SOX5: variants seen among roughly 807,000 people sequenced by gnomAD.
The protein encoded by SOX5 is transcription factor SOX-5.
SOX5 carries 9 observed loss-of-function variants against 92.0 expected under a neutral mutation model. The ratio of observed to expected loss-of-function variants is 0.10; its 90% confidence interval spans 0.06 to 0.17. SOX5 has a LOEUF of 0.17. SOX5 is among the 10% of genes least tolerant of loss of function. The probability of loss-of-function intolerance (pLI) is 1.00; values close to 1 mark genes in which losing one functional copy is unlikely to be tolerated. For synonymous variants in SOX5, 344 were observed against 336.3 expected, an observed-to-expected ratio of 1.02 and a Z score of -0.25; for missense variants, 642 against 944.5, an observed-to-expected ratio of 0.68 and a Z score of 4.20.
At chr12:23,976,034 T>A (rs1418327992) in intron 4 of SOX5, among the ~76,000 whole-genome samples, 1 of 152,148 alleles carries the variant, frequency 6.6e-6, no homozygotes, top group Non-Finnish European at 1.5e-5. Context: ...TTATGTATAA[T>A]ATAAATGTAC....
chr12:24,095,210 A>G (rs1454761563), intron 4 of SOX5, among the ~76,000 whole-genome samples: 1 of 150,812 alleles, frequency 6.6e-6, no homozygotes, highest in Non-Finnish European at 1.5e-5. Context: ...TTTCCTAATT[A>G]TTGCAGAAAA....
At chr12:24,318,311 G>A (rs1467541508) in intron 2 of SOX5, among the ~76,000 whole-genome samples, 1 of 152,218 alleles carries the variant, frequency 6.6e-6, no homozygotes, top group Non-Finnish European at 1.5e-5. Context: ...AAAGCAGTGT[G>A]TGTGATTTCT....
intron 4 of SOX5, among the ~76,000 whole-genome samples, chr12:24,015,706 T>C (rs1405959428): frequency 1.3e-5 from 2 of 152,104 alleles, no homozygotes; most frequent in Non-Finnish European, 2.9e-5. Context: ...GCAATAAGCA[T>C]TATTACTGTT....
At chr12:24,285,990 A>G (rs1213969128) in intron 2 of SOX5, among the ~76,000 whole-genome samples, 1 of 152,216 alleles carries the variant, frequency 6.6e-6, no homozygotes, top group Admixed American at 6.5e-5. Flanking sequence ...TCTGTGAGGA[A>G]ATTTTAAAAT....
At chr12:24,346,537 C>G (rs1373241446) in intron 2 of SOX5, among the ~76,000 whole-genome samples, 1 of 151,124 alleles carries the variant, frequency 6.6e-6, no homozygotes. Flanking sequence ...TTGCAACCTC[C>G]GCCTCCCAGA....
chr12:24,053,127 T>A (rs1348683325), intron 4 of SOX5, among the ~76,000 whole-genome samples: 1 of 152,140 alleles, frequency 6.6e-6, no homozygotes, highest in Non-Finnish European at 1.5e-5. Context: ...ATATGTGGTA[T>A]CCTGTAATGT....
chr12:24,081,116 T>C (rs1260422864), intron 4 of SOX5, among the ~76,000 whole-genome samples: 1 of 151,976 alleles, frequency 6.6e-6, no homozygotes, highest in Non-Finnish European at 1.5e-5. Flanking sequence ...CTCTTTATCC[T>C]AAGCTGAGCA....
intron 1 of SOX5, among the ~76,000 whole-genome samples, chr12:23,941,598 G>A (rs567526561): frequency 2.7e-4 from 41 of 151,374 alleles, no homozygotes; most frequent in African/African-American, 9.9e-4. Flanking sequence ...ACCATTCCTA[G>A]GTGTTCTGCC....
intron 4 of SOX5, among the ~76,000 whole-genome samples, chr12:23,998,156 C>A (rs1214741226): frequency 3.3e-5 from 5 of 151,676 alleles, no homozygotes; most frequent in Non-Finnish European, 5.9e-5. Flanking sequence ...ATAGCTATGA[C>A]AATTATGTAC....
chr12:24,483,263 A>G (rs1946186552), intron 1 of SOX5, among the ~76,000 whole-genome samples: 1 of 152,198 alleles, frequency 6.6e-6, no homozygotes, highest in Admixed American at 6.5e-5. Context: ...TACAAAAGAG[A>G]ATAATAATAT....
chr12:23,894,907 G>C (rs536671155), intron 2 of SOX5, among the ~76,000 whole-genome samples: 7 of 152,092 alleles, frequency 4.6e-5, no homozygotes, highest in Non-Finnish European at 1.0e-4. Flanking sequence ...AGAAAAGGTG[G>C]AGCAGTCACA....
At chr12:24,380,295 T>TC (rs1261401966) in intron 1 of SOX5, among the ~76,000 whole-genome samples, 2 of 152,194 alleles carry the variant, frequency 1.3e-5, no homozygotes, top group African/African-American at 4.8e-5. Context: ...AGCCCAGGGA[T>TC]CTGATTAGCA....
chr12:24,259,957 G>A lies in SOX5; in HGVS notation c.-77+17259C>T, dbSNP rs537427085. Among the ~76,000 whole-genome samples the A allele has an allele frequency of 1.6e-4, 25 of 152,182 alleles. No homozygotes were observed. The Middle Eastern group carries it at 0.017, about 104-fold the overall frequency. On this transcript the variant is annotated intron_variant, in intron 3 of 4. Coordinates refer to the SOX5 transcript ENST00000446891. ...GATGTTGGATTTGATTTTGAAAGACGAATTGGAGATTAAGAAGTGGTAATA... is the reference window on the plus strand; with the variant it reads ...GATGTTGGATTTGATTTTGAAAGACAAATTGGAGATTAAGAAGTGGTAATA...
intron 3 of SOX5, among the ~76,000 whole-genome samples, chr12:23,776,211 A>G (rs2095094177): frequency 6.6e-6 from 1 of 152,192 alleles, no homozygotes. Context: ...TTTTTGACCA[A>G]TTAAGTTCTC....
At chr12:24,204,528 C>A (rs1957841153) in intron 4 of SOX5, among the ~76,000 whole-genome samples, 1 of 151,968 alleles carries the variant, frequency 6.6e-6, no homozygotes, top group Non-Finnish European at 1.5e-5. Context: ...AAGGTTTTAC[C>A]ATGTTAGCCA....
intron 2 of SOX5, among the ~76,000 whole-genome samples, chr12:24,343,317 G>A (rs1447854998): frequency 6.6e-6 from 1 of 152,128 alleles, no homozygotes; most frequent in Non-Finnish European, 1.5e-5. Flanking sequence ...ACAAAGAGCA[G>A]TAGAGTAAAA....
At chr12:24,100,463 C>T (rs911902723) in intron 4 of SOX5, among the ~76,000 whole-genome samples, 10 of 152,110 alleles carry the variant, frequency 6.6e-5, no homozygotes, top group African/African-American at 2.2e-4. Context: ...CTCTCCTCTC[C>T]TGGGCTTCCT....
At chr12:23,570,357 T>A (rs544100893) in intron 10 of SOX5, among the ~76,000 whole-genome samples, 2 of 152,332 alleles carry the variant, frequency 1.3e-5, no homozygotes, top group East Asian at 3.9e-4. Flanking sequence ...TTGTCAGATG[T>A]CTTTGAATGA....
intron 6 of SOX5, among the ~76,000 whole-genome samples, chr12:23,707,938 T>TGGAGC (rs1257512818): frequency 6.6e-6 from 1 of 152,150 alleles, no homozygotes; most frequent in Non-Finnish European, 1.5e-5. Flanking sequence ...TGAGGATTTT[T>TGGAGC]AATTCTTTTC....
Sources: allele counts gnomAD v4.1 joint callset (sites outside exome capture counted in the v4.1 genomes callset), GRCh38; gene constraint gnomAD v4.1.1; transcripts MANE v1.5; gene names NCBI Gene and HGNC (gene_info 2026-07-23, HGNC 2026-07-21).